HIVEP3: variants seen among roughly 807,000 people sequenced by gnomAD.
The protein encoded by HIVEP3 is transcription factor HIVEP3.
HIVEP3 carries 49 observed loss-of-function variants against 152.8 expected under a neutral mutation model. The observed-to-expected ratio is 0.32, with a 90% CI of 0.26 to 0.41. The LOEUF is 0.41. Among genes scored for constraint, HIVEP3 ranks in the 10% least tolerant of loss-of-function variants. The probability of loss-of-function intolerance (pLI) is 1.00; values close to 1 mark genes in which losing one functional copy is unlikely to be tolerated. For missense variants in HIVEP3, 2,790 were observed against 3,103.3 expected (o/e 0.90, Z 2.40); for synonymous variants, 1,269 against 1,289.0 (o/e 0.98, Z 0.33).
At chr1:41,881,060 G>A (rs532900134) in intron 1 of HIVEP3, among the ~76,000 whole-genome samples, 1 of 152,126 alleles carries the variant, frequency 6.6e-6, no homozygotes, top group African/African-American at 2.4e-5. Flanking sequence ...CCCACTAAAG[G>A]CCTCTTTGGA....
At chr1:41,529,111 C>T (rs1643140565) in intron 5 of HIVEP3, among the ~76,000 whole-genome samples, 2 of 137,752 alleles carry the variant, frequency 1.5e-5, no homozygotes, top group Non-Finnish European at 3.2e-5. Context: ...CACATGCTCA[C>T]ACCCCCACAC....
At chr1:41,759,106 C>G (rs557559332) in intron 1 of HIVEP3, among the ~76,000 whole-genome samples, 15 of 152,012 alleles carry the variant, frequency 9.9e-5, no homozygotes, top group Admixed American at 9.2e-4. Context: ...CCCATTTCCC[C>G]CTTTCCAGCT....
intron 2 of HIVEP3, among the ~76,000 whole-genome samples, chr1:41,684,900 C>T (rs753897941): frequency 1.3e-5 from 2 of 152,220 alleles, no homozygotes; most frequent in Non-Finnish European, 2.9e-5. Flanking sequence ...AGACGTGAAC[C>T]TGGTTCTGTC....
At chr1:42,029,831 A>AAGT (rs1645603549) in intron 1 of HIVEP3, among the ~76,000 whole-genome samples, 1 of 152,204 alleles carries the variant, frequency 6.6e-6, no homozygotes, top group Admixed American at 6.5e-5. Context: ...ACACTGAGTC[A>AAGT]AGTAAAGGCA....
chr1:41,914,146 T>A (rs1644837173), intron 1 of HIVEP3, among the ~76,000 whole-genome samples: 2 of 152,144 alleles, frequency 1.3e-5, no homozygotes, highest in Admixed American at 6.5e-5. Context: ...ACTCACCACT[T>A]CCATTGTTGT....
intron 5 of HIVEP3, among the ~76,000 whole-genome samples, chr1:41,548,289 C>T (rs1643852733): frequency 6.6e-6 from 1 of 152,176 alleles, no homozygotes; most frequent in Non-Finnish European, 1.5e-5. Context: ...ACTCTCCCCA[C>T]CCTGCAGATG....
chr1:41,891,658 G>A (rs1283741768), intron 1 of HIVEP3, among the ~76,000 whole-genome samples: 2 of 152,162 alleles, frequency 1.3e-5, no homozygotes, highest in East Asian at 3.9e-4. Context: ...AGGAACCCCT[G>A]CTCACGGCAC....
At chr1:41,823,967 G>A (rs1384127669) in intron 1 of HIVEP3, among the ~76,000 whole-genome samples, 1 of 152,204 alleles carries the variant, frequency 6.6e-6, no homozygotes, top group Non-Finnish European at 1.5e-5. Context: ...CTATTTTAGA[G>A]TAGGCAGCAG....
chr1:41,857,482 C>T (rs7540176), intron 1 of HIVEP3, among the ~76,000 whole-genome samples: 23,807 of 151,490 alleles, frequency 0.16, 1,939 homozygotes, highest in Admixed American at 0.2. Context: ...ATTTCAAGTA[C>T]AACTCAGTTT....
rs754021330 is a variant in HIVEP3 at position 41,518,434 on chromosome 1, G to A, written c.5438C>T (p.Thr1813Ile). Residue 1813 changes from threonine to isoleucine, a missense_variant, in exon 7 of 9, where the codon ACA (threonine) becomes ATA (isoleucine). Thr to Ile is a moderately conservative substitution (Grantham distance 89). This residue lies in a region of HIVEP3 where 816 missense variants were observed against 806.5 expected (regional missense o/e 1.01). Coordinates refer to ENST00000372583, the MANE Select transcript of HIVEP3 (RefSeq NM_024503.5). The stretch of plus-strand genomic sequence containing the variant: ...GGCTTCCAGCTCCTCCAGCACCCCT[G>A]TCTCTTGGCACTTTTTGCTGTGGGC... ...SKAHSKKCQE[T>I]GVLEELEAEE... 6.2e-7 allele frequency: 1 copy of A among 1,614,226 alleles called. No homozygotes were observed. Among genetic ancestry groups the A allele is most frequent in the Non-Finnish European group, 8.5e-7 (1 of 1,180,032 alleles).
chr1:41,889,673 A>G (rs1006170939), intron 1 of HIVEP3, among the ~76,000 whole-genome samples: 2 of 152,176 alleles, frequency 1.3e-5, no homozygotes, highest in African/African-American at 4.8e-5. Context: ...GTTAGTGTGT[A>G]TCGATGGAGA....
intron 1 of HIVEP3, among the ~76,000 whole-genome samples, chr1:41,717,982 T>A (rs1487983767): frequency 6.6e-6 from 1 of 152,132 alleles, no homozygotes; most frequent in African/African-American, 2.4e-5. Context: ...CTAGTGGAGA[T>A]CAGAGATTAT....
At chr1:41,730,175 G>T (rs1646816489) in intron 1 of HIVEP3, among the ~76,000 whole-genome samples, 1 of 152,180 alleles carries the variant, frequency 6.6e-6, no homozygotes, top group South Asian at 2.1e-4. Context: ...ATTCCTCTTT[G>T]TCCATTTGAG....
chr1:41,890,129 G>T (rs1045929276), intron 1 of HIVEP3, among the ~76,000 whole-genome samples: 1 of 152,206 alleles, frequency 6.6e-6, no homozygotes. Context: ...GTAAAATGGG[G>T]ATGATGATAG....
chr1:41,509,690 G>A lies in HIVEP3; in HGVS notation c.*761C>T, dbSNP rs1215474009. Reference sequence around the variant, plus strand: ...GGGTGGGGTGGCCTGCCCACCTGTGGAGTGCCAGGATGGGCCCATGACTCA... The same window carrying A: ...GGGTGGGGTGGCCTGCCCACCTGTGAAGTGCCAGGATGGGCCCATGACTCA... On this transcript the variant is annotated 3_prime_UTR_variant, in exon 9 of 9. Transcript: ENST00000372583. The A allele has an allele frequency of 1.3e-5, 2 of 152,036 alleles. No homozygotes were observed. The highest frequency in any genetic ancestry group is 4.8e-5 in the African/African-American group (2 of 41,358). The allele number at this position is 152,036 out of a possible 1,614,324, so 9.4% of individuals were successfully genotyped here. A position where few individuals can be genotyped will look rare whatever the true frequency, so the allele number is the denominator to read the frequency against.
chr1:41,522,096 G>T (rs962628045), intron 6 of HIVEP3, among the ~76,000 whole-genome samples: 2 of 152,234 alleles, frequency 1.3e-5, no homozygotes, highest in Non-Finnish European at 2.9e-5. Context: ...CCCTGGTGTA[G>T]CCGGGTGGTA....
chr1:41,583,343 C>T lies in HIVEP3; in HGVS notation c.1455G>A (p.Lys485=). The change falls in exon 4 of 9, where the codon AAG becomes AAA. Residue 485 remains lysine (K), a synonymous_variant. Coordinates refer to ENST00000372583, the MANE Select transcript of HIVEP3 (RefSeq NM_024503.5). The surrounding 1 kb of genome is among the most constrained non-coding windows in gnomAD (Gnocchi z 6.9). ...VVDTSEIDSV[K]PRRSSLSRRS... is the part of the protein sequence containing the mutation. ...GCCTGGACAGTGAGCTCCGCCTTGG[C>T]TTCACGCTGTCGATCTCGCTGGTGT... 1 of 1,611,384 alleles carries T rather than the reference C, an allele frequency of 6.2e-7. No individual in the cohort carries two copies. Among genetic ancestry groups the T allele is most frequent in the Non-Finnish European group, 8.5e-7 (1 of 1,178,566 alleles).
chr1:41,632,750 C>T (rs1349128230), intron 2 of HIVEP3, among the ~76,000 whole-genome samples: 2 of 150,042 alleles, frequency 1.3e-5, no homozygotes, highest in African/African-American at 4.9e-5. Context: ...AGCAAGACTC[C>T]AACTCAAAGA....
chr1:41,616,781 T>C (rs2148635), intron 3 of HIVEP3, among the ~76,000 whole-genome samples: 92,062 of 151,822 alleles, frequency 0.61, 28,219 homozygotes, highest in African/African-American at 0.7. Context: ...AATGGTATCA[T>C]CCTATGTACA....
Sources: gnomAD v4.1 joint callset for allele counts (sites outside exome capture counted in the v4.1 genomes callset) on GRCh38, gnomAD v4.1.1 for gene constraint, gnomAD v4.1.1 regional missense constraint, Gnocchi (gnomAD v3.1) non-coding constraint, MANE v1.5 for transcripts, NCBI Gene and HGNC (gene_info 2026-07-23, HGNC 2026-07-21) for gene names.